Variants in RPS6KC1 observed in about 807,000 individuals in gnomAD.
RPS6KC1 encodes ribosomal protein S6 kinase C1.
A neutral mutation model predicts 103.8 loss-of-function variants in RPS6KC1; 54 were observed. The observed-to-expected ratio is 0.52, with a 90% CI of 0.42 to 0.65. The LOEUF is 0.65. Ranked by LOEUF, RPS6KC1 falls within the 30% of genes least tolerant of loss-of-function variation. RPS6KC1 has a pLI of 0.00. For synonymous variants in RPS6KC1, 439 were observed against 438.7 expected (o/e 1.00, Z -0.01); for missense variants, 1,151 against 1,253.8 (o/e 0.92, Z 1.24).
chr1:213,331,796 C>G, the RPS6KC1 span, among the ~76,000 whole-genome samples: 2 of 152,164 alleles, frequency 1.3e-5, no homozygotes, highest in African/African-American at 2.4e-5. Context: ...CCCTGCAATT[C>G]TCTGAAGACT....
chr1:213,572,666 A>G, the RPS6KC1 span, among the ~76,000 whole-genome samples: 2 of 152,250 alleles, frequency 1.3e-5, no homozygotes, highest in African/African-American at 4.8e-5. Context: ...TTTAGATATA[A>G]TTAAACCATT....
the RPS6KC1 span, among the ~76,000 whole-genome samples, chr1:213,588,102 G>T: frequency 6.6e-6 from 1 of 151,832 alleles, no homozygotes; most frequent in African/African-American, 2.4e-5. Flanking sequence ...TTGAGACAGG[G>T]TCTCTCTCTC....
intron 8 of RPS6KC1, among the ~76,000 whole-genome samples, chr1:213,200,151 A>T (rs780108753): frequency 6.6e-6 from 1 of 152,208 alleles, no homozygotes; most frequent in Non-Finnish European, 1.5e-5. Context: ...ATTCATATGG[A>T]ACCAAAAAGG....
the RPS6KC1 span, among the ~76,000 whole-genome samples, chr1:213,762,787 T>A: frequency 6.6e-6 from 1 of 152,030 alleles, no homozygotes; most frequent in Non-Finnish European, 1.5e-5. Flanking sequence ...GTATTTAAGA[T>A]AACCCAGGCT....
intron 4 of RPS6KC1, among the ~76,000 whole-genome samples, chr1:213,111,575 T>G (rs554559036): frequency 6.6e-6 from 1 of 152,326 alleles, no homozygotes; most frequent in African/African-American, 2.4e-5. Flanking sequence ...CATTTTAAAT[T>G]TTATCTTACA....
At chr1:213,859,023 G>A in the RPS6KC1 span, among the ~76,000 whole-genome samples, 11 of 152,282 alleles carry the variant, frequency 7.2e-5, no homozygotes, top group Non-Finnish European at 1.5e-4. Context: ...TGATGAGCTG[G>A]ACTTTTTTTT....
intron 3 of RPS6KC1, among the ~76,000 whole-genome samples, chr1:213,089,692 C>T (rs1469358349): frequency 2.0e-5 from 3 of 152,128 alleles, no homozygotes; most frequent in Non-Finnish European, 4.4e-5. Flanking sequence ...GAACTCCTGA[C>T]CTCAGGTGAT....
At chr1:213,407,354 G>T in the RPS6KC1 span, among the ~76,000 whole-genome samples, 1 of 152,074 alleles carries the variant, frequency 6.6e-6, no homozygotes, top group African/African-American at 2.4e-5. Flanking sequence ...TGGATTAAAG[G>T]GGCCCTAGAT....
chr1:213,362,884 C>T, the RPS6KC1 span, among the ~76,000 whole-genome samples: 68,948 of 152,062 alleles, frequency 0.45, 18,458 homozygotes, highest in African/African-American at 0.75. Flanking sequence ...ACAGACTGCC[C>T]TTGGACTTGA....
the RPS6KC1 span, among the ~76,000 whole-genome samples, chr1:213,860,256 T>G: frequency 6.6e-6 from 1 of 151,718 alleles, no homozygotes; most frequent in Admixed American, 6.6e-5. Flanking sequence ...TTTTTAAATA[T>G]CAATTCTTTA....
chr1:213,757,200 C>T, the RPS6KC1 span, among the ~76,000 whole-genome samples: 1 of 152,212 alleles, frequency 6.6e-6, no homozygotes, highest in Non-Finnish European at 1.5e-5. Flanking sequence ...TACTTTAAAT[C>T]TAAAGCTAGA....
the RPS6KC1 span, among the ~76,000 whole-genome samples, chr1:213,322,326 T>C: frequency 1.6e-4 from 24 of 152,076 alleles, no homozygotes; most frequent in African/African-American, 4.6e-4. Context: ...CTAGGTCAGG[T>C]AGGCCCAAGT....
chr1:213,690,828 G>C, the RPS6KC1 span, among the ~76,000 whole-genome samples: 1 of 152,178 alleles, frequency 6.6e-6, no homozygotes, highest in African/African-American at 2.4e-5. Context: ...ACAGTGGCTT[G>C]CACAAAGTGG....
rs2149010865 is a variant in RPS6KC1 at position 213,131,741 on chromosome 1, G to A, written c.835+1852G>A. Among the ~76,000 whole-genome samples, 2 of 152,300 alleles carry A rather than the reference G, an allele frequency of 1.3e-5. 1 individual carries two copies. Among genetic ancestry groups the A allele is most frequent in the South Asian group, 4.1e-4 (2 of 4,826 alleles). ...TTACAGGCGTGAGCCACTGCACCAGGCCATCTGTTGGGTTTTTTGTTTGCT... is the reference window on the plus strand; with the variant it reads ...TTACAGGCGTGAGCCACTGCACCAGACCATCTGTTGGGTTTTTTGTTTGCT... On this transcript the variant is annotated intron_variant, in intron 6 of 14. Coordinates refer to ENST00000366960, the MANE Select transcript of RPS6KC1 (RefSeq NM_012424.6).
the RPS6KC1 span, among the ~76,000 whole-genome samples, chr1:213,426,880 A>G: frequency 2.8e-4 from 43 of 152,372 alleles, no homozygotes; most frequent in Admixed American, 2.6e-3. Context: ...AACATAAAAT[A>G]AAACCCCTAC....
rs7542002 is a variant in RPS6KC1, at chr1:213,058,597, A to G, written c.105+7088A>G. On this transcript the variant is annotated intron_variant, in intron 1 of 14. Transcript: ENST00000366960. ...TTTGCCAAAAGTCAATTGACTATAT[A>G]TGTGTAAAGCTGTTTCTGGATTCTC... 5.5e-3 allele frequency among the ~76,000 whole-genome samples: 830 copies of G among 152,198 alleles called. 8 individuals carry two copies. The highest frequency in any genetic ancestry group is 0.019 in the African/African-American group (791 of 41,528).
At chr1:213,423,848 G>A in the RPS6KC1 span, among the ~76,000 whole-genome samples, 3 of 152,232 alleles carry the variant, frequency 2.0e-5, no homozygotes, top group Non-Finnish European at 4.4e-5. Context: ...GAGCTCAAGA[G>A]CTCTTCTGCA....
chr1:213,209,114 G>A (rs1173425664), intron 8 of RPS6KC1, among the ~76,000 whole-genome samples: 3 of 152,048 alleles, frequency 2.0e-5, no homozygotes, highest in South Asian at 2.1e-4. Flanking sequence ...GGATACAAAC[G>A]CATCACATTT....
At chr1:213,070,903 C>T (rs964036302) in intron 1 of RPS6KC1, 103 bp from the exon 2 acceptor site, 1 of 703,688 alleles carries the variant, frequency 1.4e-6, no homozygotes, top group South Asian at 1.9e-5. Flanking sequence ...TTTTTTTAAG[C>T]AAATTGAATT....
Sources: gnomAD v4.1 joint callset for allele counts (sites outside exome capture counted in the v4.1 genomes callset) on GRCh38, gnomAD v4.1.1 for gene constraint, MANE v1.5 for transcripts, NCBI Gene and HGNC (gene_info 2026-07-23, HGNC 2026-07-21) for gene names.